COL4A3: variants seen among roughly 807,000 people sequenced by gnomAD.
COL4A3 encodes the protein collagen type IV alpha 3 chain, also known as collagen alpha-3(IV) chain.
COL4A3 carries 135 observed loss-of-function variants against 217.4 expected under a neutral mutation model. That is an observed-to-expected ratio of 0.62 (90% CI 0.54 to 0.72). The LOEUF is 0.72. Among genes scored for constraint, COL4A3 ranks in the 30% least tolerant of loss-of-function variants. The pLI, the probability that COL4A3 is intolerant of heterozygous loss-of-function variation, is 0.00. For synonymous variants in COL4A3, 690 were observed against 736.3 expected (o/e 0.94, Z 1.02); for missense variants, 1,868 against 2,119.9 (o/e 0.88, Z 2.33).
chr2:227,266,462 C>A lies in COL4A3; in HGVS notation c.1361C>A (p.Pro454Gln), dbSNP rs374905404. Residue 454 changes from proline (P) to glutamine (Q), a missense_variant, in exon 22 of 52, where the codon CCA (proline) becomes CAA (glutamine). Transcript: ENST00000396578. ...GGTCCACCTGGAGATCACGGACTGC[C>A]AGGCTATCTAGGGTCTCCAGGAATC... ...RKGPPGDHGLPGYLGSPGIPG... is the reference protein window; with the variant it reads ...RKGPPGDHGLQGYLGSPGIPG... 3 of 1,613,968 alleles carry A rather than the reference C, an allele frequency of 1.9e-6. No homozygotes were observed. Among genetic ancestry groups the A allele is most frequent in the African/African-American group, 2.7e-5 (2 of 74,916 alleles).
intron 7 of COL4A3, 72 bp from the exon 8 acceptor site, chr2:227,247,486 G>A: frequency 2.1e-6 from 3 of 1,416,416 alleles, no homozygotes; most frequent in East Asian, 2.3e-5. Flanking sequence ...TAGCAGAGAG[G>A]GCAGAGCAGA....
intron 1 of COL4A3, among the ~76,000 whole-genome samples, chr2:227,183,141 T>C (rs1220239464): frequency 6.6e-6 from 1 of 152,218 alleles, no homozygotes; most frequent in African/African-American, 2.4e-5. Context: ...AATTTTCCTG[T>C]TTATTCAAAG....
At chr2:227,304,841 C>T in intron 46 of COL4A3, 144 bp from the exon 47 acceptor site, 2 of 702,240 alleles carry the variant, frequency 2.8e-6, no homozygotes, top group Non-Finnish European at 5.1e-6. Flanking sequence ...ACTAATCATC[C>T]TAGCTTGCCC....
chr2:227,253,517 A>G lies in COL4A3; in HGVS notation c.688-44A>G. On this transcript the variant is annotated intron_variant, in intron 12 of 51. Coordinates refer to ENST00000396578, the MANE Select transcript of COL4A3 (RefSeq NM_000091.5). This position sits in a 1 kb window ranked among gnomAD's most constrained non-coding sequence, Gnocchi z 4.4. Reference sequence around the variant, plus strand: ...CAAACGTAGTAACATTGAAATGTTGATGCTGTTGTTTATTTTCTCACTCCT... The same window carrying G: ...CAAACGTAGTAACATTGAAATGTTGGTGCTGTTGTTTATTTTCTCACTCCT... 6.6e-7 allele frequency: 1 copy of G among 1,520,682 alleles called. No homozygotes were observed. Among genetic ancestry groups the G allele is most frequent in the Non-Finnish European group, 9.1e-7 (1 of 1,094,920 alleles). 94.2% of individuals were successfully genotyped at this position (1,520,682 alleles called of 1,614,324 possible). A position where few individuals can be genotyped will look rare whatever the true frequency, so the allele number is the denominator to read the frequency against.
At chr2:227,218,359 G>T (rs966282861) in intron 1 of COL4A3, among the ~76,000 whole-genome samples, 4 of 151,952 alleles carry the variant, frequency 2.6e-5, no homozygotes, top group African/African-American at 9.7e-5. Context: ...CCAGCTATTC[G>T]GGTGGCTGAG....
chr2:227,193,390 TTAAA>T (rs2066317057), intron 1 of COL4A3, among the ~76,000 whole-genome samples: 1 of 152,188 alleles, frequency 6.6e-6, no homozygotes, highest in Non-Finnish European at 1.5e-5. Flanking sequence ...GGCAGGATGT[TTAAA>T]TAAATATTCA....
intron 1 of COL4A3, among the ~76,000 whole-genome samples, chr2:227,225,597 C>G (rs2068042737): frequency 6.6e-6 from 1 of 151,442 alleles, no homozygotes; most frequent in African/African-American, 2.4e-5. Flanking sequence ...CAGGGTTGCA[C>G]CAGGCCAAAG....
chr2:227,280,385 T>C (rs773132582), intron 29 of COL4A3, 55 bp from the exon 30 acceptor site: 1 of 1,595,874 alleles, frequency 6.3e-7, no homozygotes, highest in Non-Finnish European at 8.6e-7. Context: ...AGAGAGTCAA[T>C]ATCAGTGAAG....
At chr2:227,205,817 G>A (rs2067079661) in intron 1 of COL4A3, among the ~76,000 whole-genome samples, 1 of 151,760 alleles carries the variant, frequency 6.6e-6, no homozygotes, top group Non-Finnish European at 1.5e-5. Flanking sequence ...TGGTTTCTTA[G>A]GTATAAAAAG....
chr2:227,259,003 A>C (rs978454398), intron 18 of COL4A3, among the ~76,000 whole-genome samples: 4 of 149,638 alleles, frequency 2.7e-5, no homozygotes, highest in Non-Finnish European at 5.9e-5. Flanking sequence ...AAAAGCAAAG[A>C]GGTTTTTTTT....
intron 1 of COL4A3, among the ~76,000 whole-genome samples, chr2:227,204,588 T>C (rs2067029197): frequency 6.6e-6 from 1 of 152,188 alleles, no homozygotes; most frequent in Non-Finnish European, 1.5e-5. Flanking sequence ...ACAGAATTCC[T>C]TGTTGGCATT....
chr2:227,303,948 C>A lies in COL4A3; in HGVS notation c.4027+18C>A. On this transcript the variant is annotated intron_variant, in intron 45 of 51. Transcript: ENST00000396578. ...ACCACCTGGTAAATAAACGTCCTTA[C>A]TATTGCTGTCAATGAAGAAAGGTAA... is the stretch of plus-strand genomic sequence containing the variant. 6.2e-7 allele frequency: 1 copy of A among 1,614,244 alleles called. No individual in the cohort carries two copies. Among genetic ancestry groups the A allele is most frequent in the East Asian group, 2.2e-5 (1 of 44,892 alleles).
chr2:227,205,523 A>G (rs941571486), intron 1 of COL4A3, among the ~76,000 whole-genome samples: 6 of 152,094 alleles, frequency 3.9e-5, no homozygotes, highest in Admixed American at 1.3e-4. Flanking sequence ...AATTATTTTT[A>G]TAATTGTACA....
At chr2:227,212,408 C>T (rs1433215214) in intron 1 of COL4A3, among the ~76,000 whole-genome samples, 1 of 152,142 alleles carries the variant, frequency 6.6e-6, no homozygotes, top group Non-Finnish European at 1.5e-5. Context: ...AAAATTTTGG[C>T]TTTTCCATTT....
chr2:227,249,058 C>T (rs1422479589), intron 9 of COL4A3, among the ~76,000 whole-genome samples: 1 of 150,150 alleles, frequency 6.7e-6, no homozygotes, highest in Non-Finnish European at 1.5e-5. Context: ...TTTATATGTA[C>T]GTAGCCTGAG....
chr2:227,280,316 A>C, intron 29 of COL4A3, 124 bp from the exon 30 acceptor site: 6 of 1,099,548 alleles, frequency 5.5e-6, no homozygotes, highest in Non-Finnish European at 8.1e-6. Context: ...CTAGAGCTCA[A>C]AAAGGAAAGT....
chr2:227,280,409 A>G (rs780717618), intron 29 of COL4A3, 31 bp from the exon 30 acceptor site: 2 of 1,612,628 alleles, frequency 1.2e-6, no homozygotes, highest in Non-Finnish European at 1.7e-6. Flanking sequence ...TGGAAGCACT[A>G]TATAGTAATA....
intron 39 of COL4A3, 53 bp from the exon 40 acceptor site, chr2:227,294,911 C>T: frequency 7.2e-7 from 1 of 1,396,904 alleles, no homozygotes; most frequent in Non-Finnish European, 1.0e-6. Context: ...GAAATAAATC[C>T]TCTTTTTGTA....
At chr2:227,234,982 G>T (rs1293192468) in intron 1 of COL4A3, among the ~76,000 whole-genome samples, 1 of 152,154 alleles carries the variant, frequency 6.6e-6, no homozygotes. Context: ...ACAGTGGCCG[G>T]CTTCCTCCGT....
Sources: gnomAD v4.1 joint callset for allele counts (sites outside exome capture counted in the v4.1 genomes callset) on GRCh38, gnomAD v4.1.1 for gene constraint, Gnocchi (gnomAD v3.1) non-coding constraint, MANE v1.5 for transcripts, NCBI Gene and HGNC (gene_info 2026-07-23, HGNC 2026-07-21) for gene names.